Variants in SRPK2 observed in about 807,000 individuals in gnomAD.
The protein encoded by SRPK2 is SFRS protein kinase 2.
A neutral mutation model predicts 90.8 loss-of-function variants in SRPK2; 21 were observed. The observed-to-expected ratio is 0.23, with a 90% CI of 0.16 to 0.33. The LOEUF (loss-of-function observed/expected upper bound fraction) is 0.33. Ranked by LOEUF, SRPK2 falls within the 10% of genes least tolerant of loss-of-function variation. SRPK2 has a pLI of 1.00. For missense variants in SRPK2, 620 were observed against 869.0 expected, an observed-to-expected ratio of 0.71 and a Z score of 3.60; for synonymous variants, 288 against 311.1, an observed-to-expected ratio of 0.93 and a Z score of 0.78.
chr7:105,226,890 C>T (rs181375593), intron 2 of SRPK2, among the ~76,000 whole-genome samples: 7 of 151,728 alleles, frequency 4.6e-5, no homozygotes, highest in Admixed American at 6.6e-5. Flanking sequence ...TGCTGTAAGC[C>T]GAGATCACAC....
intron 2 of SRPK2, among the ~76,000 whole-genome samples, chr7:105,210,266 A>C (rs1052992500): frequency 6.6e-6 from 1 of 152,196 alleles, no homozygotes; most frequent in Non-Finnish European, 1.5e-5. Flanking sequence ...AAAGAAAAGG[A>C]GCTCCAGATG....
At chr7:105,128,603 C>T (rs1007535317) in intron 13 of SRPK2, among the ~76,000 whole-genome samples, 1 of 152,236 alleles carries the variant, frequency 6.6e-6, no homozygotes, top group Non-Finnish European at 1.5e-5. Context: ...TCTAATGGGA[C>T]AACGAGGACT....
intron 2 of SRPK2, among the ~76,000 whole-genome samples, chr7:105,252,956 T>C (rs1802687745): frequency 6.6e-6 from 1 of 152,072 alleles, no homozygotes. Flanking sequence ...TTGGCCAGGC[T>C]GGTCTCAAAC....
intron 11 of SRPK2, among the ~76,000 whole-genome samples, chr7:105,134,607 G>T (rs528873091): frequency 1.3e-5 from 2 of 152,220 alleles, no homozygotes; most frequent in South Asian, 2.1e-4. Context: ...CTCTGTTGGG[G>T]TACATACGAG....
At chr7:105,184,254 T>C (rs1178475212) in intron 3 of SRPK2, among the ~76,000 whole-genome samples, 1 of 151,870 alleles carries the variant, frequency 6.6e-6, no homozygotes, top group South Asian at 2.1e-4. Context: ...GCTGGGATTA[T>C]AGGAGTGAGC....
chr7:105,160,497 A>G lies in SRPK2; in HGVS notation c.621+10T>C, dbSNP rs765476263. ...TACTAGGGCCTAGGGGCTGCCGTCA[A>G]AAGTCTCACCTGTCGAATGATACTC... On this transcript the variant is annotated intron_variant, in intron 7 of 15. Coordinates refer to ENST00000393651, the MANE Select transcript of SRPK2 (RefSeq NM_182692.3). 6.3e-7 allele frequency: 1 copy of G among 1,588,770 alleles called. No individual in the cohort carries two copies.
intron 7 of SRPK2, among the ~76,000 whole-genome samples, chr7:105,156,669 T>C (rs796287759): frequency 2.0e-5 from 3 of 152,072 alleles, no homozygotes; most frequent in African/African-American, 7.2e-5. Flanking sequence ...CCTGGCTAAT[T>C]TTTAAATTTT....
chr7:105,207,952 T>C (rs1563083948), intron 2 of SRPK2, among the ~76,000 whole-genome samples: 1 of 151,914 alleles, frequency 6.6e-6, no homozygotes, highest in Non-Finnish European at 1.5e-5. Flanking sequence ...AACTCAACAA[T>C]AAAAAGACAC....
In SRPK2 at chr7:105,145,284, G is replaced by A. The variant is rs1038399458; in HGVS notation, c.812C>T (p.Pro271Leu). Residue 271 changes from proline to leucine, a missense_variant and splice_region_variant, in exon 9 of 16, where the codon CCT becomes CTT. Coordinates refer to ENST00000393651, the MANE Select transcript of SRPK2 (RefSeq NM_182692.3). ...SAVSTAPQQK[P>L]IGKISKNKKK... is the part of the protein sequence containing the mutation. Reference sequence around the variant, plus strand: ...AAAGTAATATGCGTAAGTACTTACAGGTTTCTGCTGTGGAGCCGTACTCAC... The same window carrying A: ...AAAGTAATATGCGTAAGTACTTACAAGTTTCTGCTGTGGAGCCGTACTCAC... 1.3e-6 allele frequency: 2 copies of A among 1,592,882 alleles called. No homozygotes were observed. The highest frequency in any genetic ancestry group is 8.5e-7 in the Non-Finnish European group (1 of 1,169,648).
intron 2 of SRPK2, among the ~76,000 whole-genome samples, chr7:105,351,453 T>C (rs967443054): frequency 6.7e-6 from 1 of 148,710 alleles, no homozygotes; most frequent in African/African-American, 2.5e-5. Context: ...AGGTCAGGAG[T>C]TTGAGACCAC....
In SRPK2 at chr7:105,323,016, T is replaced by C. The variant is rs192250042; in HGVS notation, c.71+65632A>G. On this transcript the variant is annotated intron_variant, in intron 2 of 15. Coordinates refer to ENST00000393651, the MANE Select transcript of SRPK2 (RefSeq NM_182692.3). ...GAGTTGGAGACCAGCCTGGCCAACA[T>C]GGTGAAATCCTGTCTCTACTAAAAA... is the stretch of plus-strand genomic sequence containing the variant. 2.8e-4 allele frequency among the ~76,000 whole-genome samples: 43 copies of C among 152,164 alleles called. No individual in the cohort carries two copies. The East Asian group carries it at 8.1e-3, about 29-fold the overall frequency.
chr7:105,155,739 G>A (rs1303241147), intron 7 of SRPK2, among the ~76,000 whole-genome samples: 2 of 152,160 alleles, frequency 1.3e-5, no homozygotes, highest in African/African-American at 2.4e-5. Context: ...TGGGATTTTC[G>A]TTGAGTCTTA....
At chr7:105,391,067 G>T (rs1452071585), upstream of SRPK2, among the ~76,000 whole-genome samples, 1 of 152,128 alleles carries the variant, frequency 6.6e-6, no homozygotes, top group East Asian at 1.9e-4. Context: ...TTTCTCCAAA[G>T]ACATGCAAAT....
chr7:105,389,111 G>T, upstream of SRPK2: 1 of 957,932 alleles, frequency 1.0e-6, no homozygotes, highest in South Asian at 4.8e-5. Context: ...GCTGGCCCTC[G>T]GCCTCCCCCA....
intron 2 of SRPK2, among the ~76,000 whole-genome samples, chr7:105,300,295 T>C (rs1295203478): frequency 6.7e-6 from 1 of 148,934 alleles, no homozygotes; most frequent in Non-Finnish European, 1.5e-5. Context: ...ATATACATAT[T>C]TAGAACACTA....
chr7:105,390,628 T>G (rs890181729), upstream of SRPK2, among the ~76,000 whole-genome samples: 1 of 150,140 alleles, frequency 6.7e-6, no homozygotes, highest in African/African-American at 2.5e-5. Context: ...TTTTTTTTTT[T>G]TTTTAGTAGA....
chr7:105,356,338 A>G (rs1215029647), intron 2 of SRPK2, among the ~76,000 whole-genome samples: 1 of 152,068 alleles, frequency 6.6e-6, no homozygotes, highest in Admixed American at 6.6e-5. Flanking sequence ...CTAGAGAGAA[A>G]CCCAAACAAT....
At chr7:105,313,527 A>C (rs1811964856) in intron 2 of SRPK2, among the ~76,000 whole-genome samples, 1 of 151,838 alleles carries the variant, frequency 6.6e-6, no homozygotes. Flanking sequence ...AGGTGGGTGG[A>C]ATGCCTGAGC....
chr7:105,133,182 C>A, intron 11 of SRPK2, 78 bp from the exon 12 acceptor site: 1 of 1,326,482 alleles, frequency 7.5e-7, no homozygotes, highest in South Asian at 1.2e-5. Context: ...TTGCCAGGGT[C>A]AGTCTCCTTT....
Sources: gnomAD v4.1 joint callset for allele counts (sites outside exome capture counted in the v4.1 genomes callset) on GRCh38, gnomAD v4.1.1 for gene constraint, MANE v1.5 for transcripts, NCBI Gene and HGNC (gene_info 2026-07-23, HGNC 2026-07-21) for gene names.